Variants in EYS observed in about 807,000 individuals in gnomAD.
EYS encodes EGF-like photoreceptor maintenance factor.
EYS carries 250 observed loss-of-function variants against 282.1 expected under a neutral mutation model. The observed-to-expected ratio is 0.89, with a 90% CI of 0.80 to 0.98. EYS has a LOEUF of 0.98. Ranked by LOEUF, EYS falls within the 50% of genes least tolerant of loss-of-function variation. The pLI is 0.00. For synonymous variants in EYS, 1,355 were observed against 1,282.9 expected, an observed-to-expected ratio of 1.06 and a Z score of -1.20; for missense variants, 4,016 against 3,709.0, an observed-to-expected ratio of 1.08 and a Z score of -2.15.
At chr6:64,158,899 A>C (rs1367172068) in intron 31 of EYS, among the ~76,000 whole-genome samples, 2 of 152,238 alleles carry the variant, frequency 1.3e-5, no homozygotes, top group Admixed American at 1.3e-4. Context: ...CATTCCATTT[A>C]TTCAACAAAC....
At chr6:64,667,787 G>A (rs1026328725) in intron 22 of EYS, among the ~76,000 whole-genome samples, 1 of 151,994 alleles carries the variant, frequency 6.6e-6, no homozygotes, top group African/African-American at 2.4e-5. Flanking sequence ...CATCACAAAT[G>A]AATAAATTCA....
At chr6:63,887,956 G>T (rs543673855) in intron 35 of EYS, among the ~76,000 whole-genome samples, 1 of 152,134 alleles carries the variant, frequency 6.6e-6, no homozygotes, top group African/African-American at 2.4e-5. Context: ...AGAGCTTGGT[G>T]GGGGGAGGGG....
At chr6:64,213,094 C>A (rs1185639337) in intron 31 of EYS, among the ~76,000 whole-genome samples, 1 of 151,932 alleles carries the variant, frequency 6.6e-6, no homozygotes, top group Non-Finnish European at 1.5e-5. Context: ...TTGGAGGGTG[C>A]AGAGTGGGAA....
intron 2 of EYS, among the ~76,000 whole-genome samples, chr6:65,506,405 T>C (rs1766654701): frequency 6.6e-6 from 1 of 151,630 alleles, no homozygotes; most frequent in South Asian, 2.1e-4. Flanking sequence ...CCAATTACAC[T>C]TCTTTTAATG....
In EYS at chr6:64,735,170, A is replaced by G. The variant is rs562071424; in HGVS notation, c.3443+78208T>C. 3.3e-5 allele frequency among the ~76,000 whole-genome samples: 5 copies of G among 152,060 alleles called. No homozygotes were observed. The East Asian group carries it at 7.8e-4, about 24-fold the overall frequency. ...GCAATCTCTGCTCACTGCAAGCTCC[A>G]TCTTCCGGGTTCACGCCATTCTCCT... On this transcript the variant is annotated intron_variant, in intron 22 of 42. Coordinates refer to ENST00000503581, the MANE Select transcript of EYS (RefSeq NM_001142800.2).
chr6:64,871,030 A>C, intron 19 of EYS, among the ~76,000 whole-genome samples: 1 of 151,896 alleles, frequency 6.6e-6, no homozygotes, highest in East Asian at 1.9e-4. Context: ...TTGAAGAAAT[A>C]ATGGCTTAAA....
At chr6:64,444,241 T>A (rs946280601) in intron 26 of EYS, among the ~76,000 whole-genome samples, 3 of 152,220 alleles carry the variant, frequency 2.0e-5, no homozygotes, top group African/African-American at 7.2e-5. Flanking sequence ...TGCATTGACA[T>A]GGGTAAGGTC....
At chr6:64,261,886 A>T (rs960320059) in intron 30 of EYS, among the ~76,000 whole-genome samples, 2 of 151,624 alleles carry the variant, frequency 1.3e-5, no homozygotes, top group Admixed American at 1.3e-4. Context: ...CCTCCTGAGT[A>T]GCTGGGACTA....
chr6:65,396,234 C>T (rs1766275626), intron 7 of EYS, among the ~76,000 whole-genome samples: 1 of 152,150 alleles, frequency 6.6e-6, no homozygotes, highest in African/African-American at 2.4e-5. Flanking sequence ...ACTCTACAAT[C>T]TACTCCTACT....
intron 26 of EYS, among the ~76,000 whole-genome samples, chr6:64,552,841 C>T (rs1765125154): frequency 6.6e-6 from 1 of 151,696 alleles, no homozygotes; most frequent in Non-Finnish European, 1.5e-5. Context: ...ATCACTTGAA[C>T]TGGGGAGGCA....
At chr6:64,768,107 T>C in intron 22 of EYS, among the ~76,000 whole-genome samples, 2 of 152,274 alleles carry the variant, frequency 1.3e-5, no homozygotes, top group East Asian at 3.9e-4. Flanking sequence ...AAATAAAATT[T>C]AAATTAACCT....
At chr6:64,134,824 G>A (rs1246163573) in intron 31 of EYS, among the ~76,000 whole-genome samples, 3 of 152,038 alleles carry the variant, frequency 2.0e-5, no homozygotes, top group Non-Finnish European at 4.4e-5. Flanking sequence ...TCTCCATCAG[G>A]TAAGGCGTGA....
chr6:64,308,572 T>A (rs577863508), intron 29 of EYS, among the ~76,000 whole-genome samples: 1 of 152,160 alleles, frequency 6.6e-6, no homozygotes, highest in Admixed American at 6.5e-5. Flanking sequence ...GAAAAATATA[T>A]TAGTTATCTT....
At chr6:64,570,258 C>T (rs1765683427) in intron 26 of EYS, among the ~76,000 whole-genome samples, 1 of 152,104 alleles carries the variant, frequency 6.6e-6, no homozygotes, top group South Asian at 2.1e-4. Flanking sequence ...ATTTTGTCAC[C>T]CCCAGGCCTG....
chr6:65,697,741 C>A (rs1318506913), intron 1 of EYS, among the ~76,000 whole-genome samples: 1 of 152,052 alleles, frequency 6.6e-6, no homozygotes, highest in Non-Finnish European at 1.5e-5. Flanking sequence ...GACGATGGAA[C>A]CAATAACGAG....
chr6:65,322,415 G>A (rs2150306115), intron 11 of EYS, among the ~76,000 whole-genome samples: 1 of 152,234 alleles, frequency 6.6e-6, no homozygotes, highest in South Asian at 2.1e-4. Context: ...TTGCTGCTTT[G>A]CACCTGATCT....
At chr6:64,810,587 T>C (rs1446788879) in intron 22 of EYS, among the ~76,000 whole-genome samples, 1 of 152,080 alleles carries the variant, frequency 6.6e-6, no homozygotes, top group South Asian at 2.1e-4. Context: ...ACCTTTTTTG[T>C]TTATTTGTGT....
At chr6:64,439,691 AAATTATGATT>A (rs1774871073) in intron 26 of EYS, among the ~76,000 whole-genome samples, 1 of 151,900 alleles carries the variant, frequency 6.6e-6, no homozygotes. Context: ...ATATTGATAC[AAATTATGATT>A]AATATTGTTA....
intron 18 of EYS, among the ~76,000 whole-genome samples, chr6:64,892,971 C>A (rs1424394621): frequency 6.6e-6 from 1 of 152,054 alleles, no homozygotes; most frequent in Non-Finnish European, 1.5e-5. Flanking sequence ...AATGATCTCG[C>A]TATGATAATC....
Sources: allele counts gnomAD v4.1 joint callset (sites outside exome capture counted in the v4.1 genomes callset), GRCh38; gene constraint gnomAD v4.1.1; transcripts MANE v1.5; gene names NCBI Gene and HGNC (gene_info 2026-07-23, HGNC 2026-07-21).